Variants in NAA35 observed in about 807,000 individuals in gnomAD.
NAA35 encodes MAK10 homolog, amino-acid N-acetyltransferase subunit.
Under a neutral mutation model 101.7 loss-of-function variants are expected in NAA35, and 18 were observed. The observed-to-expected ratio is 0.18, with a 90% CI of 0.12 to 0.26. NAA35 has a LOEUF of 0.26. NAA35 is among the 10% of genes least tolerant of loss of function. The pLI is 1.00. For missense variants in NAA35, 601 were observed against 886.8 expected (o/e 0.68, Z 4.09); for synonymous variants, 267 against 273.1 (o/e 0.98, Z 0.22).
At chr9:86,000,909 G>A (rs997937471) in intron 12 of NAA35, among the ~76,000 whole-genome samples, 1 of 151,830 alleles carries the variant, frequency 6.6e-6, no homozygotes, top group African/African-American at 2.4e-5. Flanking sequence ...TCTGATTTTT[G>A]TTAGTCCTTG....
At chr9:85,999,844 T>C (rs1163181593) in intron 12 of NAA35, among the ~76,000 whole-genome samples, 7 of 152,266 alleles carry the variant, frequency 4.6e-5, no homozygotes, top group Non-Finnish European at 8.8e-5. Context: ...ATTTGGAAGA[T>C]GCAGAGAACT....
chr9:85,959,318 T>C, intron 4 of NAA35, among the ~76,000 whole-genome samples: 1 of 150,850 alleles, frequency 6.6e-6, no homozygotes, highest in African/African-American at 2.4e-5. Context: ...GGAGCTTGCA[T>C]TGAGCCGAGA....
intron 11 of NAA35, among the ~76,000 whole-genome samples, chr9:85,993,878 G>A (rs1310540309): frequency 2.0e-5 from 3 of 152,014 alleles, no homozygotes; most frequent in South Asian, 2.1e-4. Flanking sequence ...ATGCAGTCAC[G>A]GCTCACTACA....
chr9:85,992,612 G>A (rs1830966267), intron 11 of NAA35, among the ~76,000 whole-genome samples: 1 of 152,176 alleles, frequency 6.6e-6, no homozygotes, highest in South Asian at 2.1e-4. Context: ...GAGGAAGCAA[G>A]ACAATCCACA....
intron 11 of NAA35, among the ~76,000 whole-genome samples, chr9:85,985,610 T>C (rs900708126): frequency 1.9e-4 from 29 of 152,296 alleles, no homozygotes; most frequent in African/African-American, 6.3e-4. Context: ...GTAAGAGTGA[T>C]TGCTAATGGG....
At position 86,023,910 on chromosome 9, in the gene NAA35, G is replaced by C. The variant is rs531157109; in HGVS notation, c.*1950G>C. On this transcript the variant is annotated 3_prime_UTR_variant, in exon 23 of 23. Coordinates refer to ENST00000361671, the MANE Select transcript of NAA35 (RefSeq NM_024635.4). ...ATGTTGCCCAAACTGACCCAAACTT[G>C]TGGGCTCAAGCAGTCCTCCTGCCTC... Among the ~76,000 whole-genome samples, 1 of 152,342 alleles carries C rather than the reference G, an allele frequency of 6.6e-6. No homozygotes were observed. The highest frequency in any genetic ancestry group is 6.5e-5 in the Admixed American group (1 of 15,310).
intron 6 of NAA35, among the ~76,000 whole-genome samples, chr9:85,965,122 G>C (rs1037216591): frequency 6.6e-5 from 10 of 152,194 alleles, no homozygotes; most frequent in Non-Finnish European, 1.5e-4. Context: ...CTTCAGAAAA[G>C]AGCAATGTGG....
At position 86,023,722 on chromosome 9, in the gene NAA35, A is replaced by C. The variant is rs1392741326; in HGVS notation, c.*1762A>C. 6.6e-6 allele frequency among the ~76,000 whole-genome samples: 1 copy of C among 152,206 alleles called. No homozygotes were observed. The highest frequency in any genetic ancestry group is 1.5e-5 in the Non-Finnish European group (1 of 68,030). ...ATAGACGAGCATCTAGGTTATTTTG[A>C]AGTAGGTCTTCCTAAGTAAAAGTTT... On this transcript the variant is annotated 3_prime_UTR_variant, in exon 23 of 23. Transcript: ENST00000361671.
intron 17 of NAA35, chr9:86,014,526 C>T (rs1474141150): frequency 1.7e-5 from 3 of 179,328 alleles, no homozygotes; most frequent in Non-Finnish European, 3.2e-5. Context: ...GAATTTTTTT[C>T]TCAGTCTGGC....
rs772771231 is a variant in NAA35 at position 85,958,610 on chromosome 9, G to T, written c.273+24G>T. 2.7e-6 allele frequency: 4 copies of T among 1,483,202 alleles called. No homozygotes were observed. The East Asian group carries it at 9.2e-5, about 34-fold the overall frequency. The allele number at this position is 1,483,202 out of a possible 1,614,324, so 91.9% of individuals were successfully genotyped here. ...AGGTAGTTACCATTGTACTTTTTGT[G>T]TTTCCATTTATCTTTTGTTACTTCC... On this transcript the variant is annotated intron_variant, in intron 4 of 22. Coordinates refer to ENST00000361671, the MANE Select transcript of NAA35 (RefSeq NM_024635.4).
chr9:85,987,016 T>C (rs1373491355), intron 11 of NAA35: 1 of 155,508 alleles, frequency 6.4e-6, no homozygotes, highest in Non-Finnish European at 1.4e-5. Flanking sequence ...ACAAATCTCA[T>C]AATGTTTTAA....
chr9:85,978,423 C>G, intron 11 of NAA35, 42 bp downstream of exon 11: 1 of 1,354,666 alleles, frequency 7.4e-7, no homozygotes, highest in Non-Finnish European at 1.1e-6. Context: ...TTCTTCGTTT[C>G]TATCCAAAAT....
At chr9:85,983,089 A>G (rs796923524) in intron 11 of NAA35, among the ~76,000 whole-genome samples, 4 of 152,314 alleles carry the variant, frequency 2.6e-5, no homozygotes, top group African/African-American at 9.6e-5. Flanking sequence ...GCTGAGTGAC[A>G]TTCCTGAACC....
At chr9:85,954,764 C>A (rs1829165231) in intron 2 of NAA35, among the ~76,000 whole-genome samples, 1 of 152,102 alleles carries the variant, frequency 6.6e-6, no homozygotes. Context: ...GCTTTTGCAT[C>A]ATTAGTACAG....
chr9:85,955,682 C>T (rs1829246185), intron 2 of NAA35, among the ~76,000 whole-genome samples: 1 of 152,070 alleles, frequency 6.6e-6, no homozygotes, highest in African/African-American at 2.4e-5. Flanking sequence ...ATTTAATCTA[C>T]TTAGCATGTT....
At chr9:85,979,022 CCT>C (rs1198253332) in intron 11 of NAA35, among the ~76,000 whole-genome samples, 2 of 152,152 alleles carry the variant, frequency 1.3e-5, no homozygotes, top group Non-Finnish European at 2.9e-5. Flanking sequence ...TTTTTAATCA[CCT>C]CTCCTCTTTT....
intron 11 of NAA35, among the ~76,000 whole-genome samples, chr9:85,984,493 A>G (rs1430326305): frequency 4.6e-5 from 7 of 152,220 alleles, no homozygotes; most frequent in African/African-American, 1.4e-4. Context: ...GAAAAGTGGC[A>G]ACAAATGGAA....
At chr9:86,013,922 T>C (rs1242942784) in intron 17 of NAA35, 25 bp downstream of exon 17, 1 of 1,543,024 alleles carries the variant, frequency 6.5e-7, no homozygotes, top group East Asian at 2.3e-5. Flanking sequence ...TGAGTTAAAA[T>C]TGGTGGTGGG....
chr9:85,942,405 C>A, intron 2 of NAA35, 122 bp downstream of exon 2: 1 of 1,316,940 alleles, frequency 7.6e-7, no homozygotes, highest in Non-Finnish European at 1.1e-6. Flanking sequence ...AGTTTGTTAG[C>A]CACACTTATT....
Sources: allele counts gnomAD v4.1 joint callset (sites outside exome capture counted in the v4.1 genomes callset), GRCh38; gene constraint gnomAD v4.1.1; transcripts MANE v1.5; gene names NCBI Gene and HGNC (gene_info 2026-07-23, HGNC 2026-07-21).